The following ANKRD12 variants were observed in gnomAD, a reference collection of about 807,000 sequenced individuals.
ANKRD12 encodes the protein ankyrin repeat domain-containing protein 12.
Under a neutral mutation model 183.4 loss-of-function variants are expected in ANKRD12, and 85 were observed. The ratio of observed to expected loss-of-function variants is 0.46; its 90% CI spans 0.39 to 0.56. ANKRD12 has a LOEUF of 0.56. Ranked by LOEUF, ANKRD12 falls within the 20% of genes least tolerant of loss-of-function variation. ANKRD12 has a pLI of 0.00. For missense variants in ANKRD12, 2,405 were observed against 2,357.1 expected, an observed-to-expected ratio of 1.02 and a Z score of -0.42; for synonymous variants, 914 against 800.2, an observed-to-expected ratio of 1.14 and a Z score of -2.40.
At chr18:9,155,547 C>G (rs1023725662) in intron 1 of ANKRD12, among the ~76,000 whole-genome samples, 2 of 152,222 alleles carry the variant, frequency 1.3e-5, no homozygotes, top group African/African-American at 2.4e-5. Flanking sequence ...CCAAATACCT[C>G]TCCAAGGAGA....
intron 9 of ANKRD12, among the ~76,000 whole-genome samples, chr18:9,260,836 C>A (rs1208841013): frequency 6.6e-6 from 1 of 152,132 alleles, no homozygotes; most frequent in Non-Finnish European, 1.5e-5. Flanking sequence ...ATATCCTGCC[C>A]AGATCTCTCT....
chr18:9,172,588 C>G (rs537650267), intron 1 of ANKRD12, among the ~76,000 whole-genome samples: 2 of 152,342 alleles, frequency 1.3e-5, no homozygotes, highest in South Asian at 4.1e-4. Context: ...TTATGCTCCT[C>G]TCTAAACTGG....
intron 10 of ANKRD12, among the ~76,000 whole-genome samples, chr18:9,268,961 A>ATTCT (rs1449512921): frequency 6.6e-6 from 1 of 152,210 alleles, no homozygotes; most frequent in East Asian, 1.9e-4. Context: ...AATCACGAGC[A>ATTCT]TTCTTATACA....
chr18:9,219,435 G>A (rs2036291555), intron 7 of ANKRD12, among the ~76,000 whole-genome samples: 1 of 152,130 alleles, frequency 6.6e-6, no homozygotes, highest in Non-Finnish European at 1.5e-5. Context: ...ACCCACAAGG[G>A]CAAAGAACAG....
intron 1 of ANKRD12, among the ~76,000 whole-genome samples, chr18:9,154,927 A>G (rs1468111544): frequency 6.6e-6 from 1 of 152,212 alleles, no homozygotes; most frequent in East Asian, 1.9e-4. Context: ...TACATACACA[A>G]ATCTGGAGTT....
chr18:9,225,972 TGAA>T (rs1466282608), intron 8 of ANKRD12, among the ~76,000 whole-genome samples: 1 of 152,008 alleles, frequency 6.6e-6, no homozygotes, highest in Non-Finnish European at 1.5e-5. Context: ...TTTTATAAGT[TGAA>T]GACATTCCTA....
At chr18:9,203,118 A>T (rs1032626242) in intron 3 of ANKRD12, among the ~76,000 whole-genome samples, 8 of 152,152 alleles carry the variant, frequency 5.3e-5, no homozygotes, top group Non-Finnish European at 8.8e-5. Context: ...ATTATTTTTC[A>T]TGAAATTTTT....
intron 5 of ANKRD12, among the ~76,000 whole-genome samples, chr18:9,209,745 CTG>C (rs2035682845): frequency 6.6e-6 from 1 of 152,150 alleles, no homozygotes; most frequent in Admixed American, 6.5e-5. Context: ...AAAACTTTGA[CTG>C]TTTCTGTAAA....
intron 8 of ANKRD12, among the ~76,000 whole-genome samples, chr18:9,243,739 C>CA (rs1467136019): frequency 6.6e-6 from 1 of 152,092 alleles, no homozygotes; most frequent in Non-Finnish European, 1.5e-5. Flanking sequence ...ATGTGGAAAA[C>CA]AAAGATGTTG....
intron 1 of ANKRD12, among the ~76,000 whole-genome samples, chr18:9,161,889 G>A (rs2031477427): frequency 6.6e-6 from 1 of 151,314 alleles, no homozygotes; most frequent in Admixed American, 6.6e-5. Flanking sequence ...TTAGAGACAG[G>A]GTCTCACTCT....
At chr18:9,139,212 T>C (rs1247765559) in intron 1 of ANKRD12, among the ~76,000 whole-genome samples, 1 of 152,190 alleles carries the variant, frequency 6.6e-6, no homozygotes, top group Non-Finnish European at 1.5e-5. Context: ...TGTGCAGACT[T>C]ACACTGGTTT....
intron 9 of ANKRD12, among the ~76,000 whole-genome samples, chr18:9,261,662 C>G (rs2038972404): frequency 6.6e-6 from 1 of 152,150 alleles, no homozygotes; most frequent in Non-Finnish European, 1.5e-5. Context: ...ATGGCAAAAC[C>G]GCAATTACTT....
chr18:9,267,344 C>A (rs1241269130), intron 10 of ANKRD12, among the ~76,000 whole-genome samples: 10 of 152,132 alleles, frequency 6.6e-5, no homozygotes, highest in African/African-American at 1.7e-4. Context: ...CGCCGCACTT[C>A]TTCCAAAATT....
intron 1 of ANKRD12, among the ~76,000 whole-genome samples, chr18:9,153,736 A>G (rs533895642): frequency 2.8e-4 from 43 of 151,702 alleles, no homozygotes; most frequent in Admixed American, 4.6e-4. Context: ...ATTCTGTTGT[A>G]TGGATTTTGT....
At chr18:9,177,853 A>G (rs556627442) in intron 1 of ANKRD12, among the ~76,000 whole-genome samples, 17 of 152,248 alleles carry the variant, frequency 1.1e-4, no homozygotes, top group Middle Eastern at 3.4e-3. Flanking sequence ...CTGGTGACTA[A>G]TGAGGTTGCG....
chr18:9,216,145 C>G (rs1476937128), intron 6 of ANKRD12, among the ~76,000 whole-genome samples: 1 of 151,046 alleles, frequency 6.6e-6, no homozygotes, highest in Non-Finnish European at 1.5e-5. Context: ...AAAAGTGAGA[C>G]ACAAATTTAC....
At chr18:9,266,471 TAAAG>T (rs1255882184) in intron 10 of ANKRD12, among the ~76,000 whole-genome samples, 3 of 152,292 alleles carry the variant, frequency 2.0e-5, no homozygotes, top group Admixed American at 6.5e-5. Context: ...TCAACATTCT[TAAAG>T]AAAATAATTT....
chr18:9,197,931 C>CCAT (rs2034940144), intron 3 of ANKRD12, among the ~76,000 whole-genome samples: 1 of 152,080 alleles, frequency 6.6e-6, no homozygotes, highest in African/African-American at 2.4e-5. Context: ...TAATAGATGA[C>CCAT]GTCTTTGGTT....
At chr18:9,218,873 C>T (rs556873303) in intron 7 of ANKRD12, among the ~76,000 whole-genome samples, 5 of 151,890 alleles carry the variant, frequency 3.3e-5, no homozygotes, top group Non-Finnish European at 7.4e-5. Flanking sequence ...GTTGTTCAGG[C>T]TGGTCTTGAA....
Sources: gnomAD v4.1 joint callset for allele counts (sites outside exome capture counted in the v4.1 genomes callset) on GRCh38, gnomAD v4.1.1 for gene constraint, MANE v1.5 for transcripts, NCBI Gene and HGNC (gene_info 2026-07-23, HGNC 2026-07-21) for gene names.